The following PTPRR variants were observed in gnomAD, a reference collection of about 807,000 sequenced individuals.
PTPRR encodes receptor-type tyrosine-protein phosphatase R.
A neutral mutation model predicts 77.2 loss-of-function variants in PTPRR; 38 were observed. That is an observed-to-expected ratio of 0.49 (90% confidence interval 0.38 to 0.65). PTPRR has a LOEUF of 0.65. PTPRR is among the 30% of genes least tolerant of loss of function. The probability of loss-of-function intolerance (pLI) is 0.00; values close to 1 mark genes in which losing one functional copy is unlikely to be tolerated. For missense variants in PTPRR, 744 were observed against 799.2 expected (o/e 0.93, Z 0.83); for synonymous variants, 299 against 283.1 (o/e 1.06, Z -0.57).
chr12:70,715,477 T>G (rs896949741), intron 6 of PTPRR, among the ~76,000 whole-genome samples: 3 of 152,094 alleles, frequency 2.0e-5, no homozygotes, highest in African/African-American at 4.8e-5. Flanking sequence ...CAAAATTTAT[T>G]AGGTGGGAAT....
intron 1 of PTPRR, among the ~76,000 whole-genome samples, chr12:70,905,933 A>C (rs1893615082): frequency 1.3e-5 from 2 of 152,026 alleles, no homozygotes; most frequent in Admixed American, 6.6e-5. Flanking sequence ...TAGAAAGGAG[A>C]GATAAATGGA....
chr12:70,763,496 G>A (rs1890740149), intron 3 of PTPRR, among the ~76,000 whole-genome samples: 1 of 152,100 alleles, frequency 6.6e-6, no homozygotes, highest in African/African-American at 2.4e-5. Flanking sequence ...TTAACAGCTT[G>A]TTTACTTCTA....
At chr12:70,838,191 A>G (rs917990174) in intron 2 of PTPRR, among the ~76,000 whole-genome samples, 14 of 152,156 alleles carry the variant, frequency 9.2e-5, no homozygotes, top group South Asian at 4.1e-4. Flanking sequence ...GCCACAAAGC[A>G]TCTTAAGGAT....
At chr12:70,834,235 T>G (rs1380851845) in intron 2 of PTPRR, among the ~76,000 whole-genome samples, 1 of 152,196 alleles carries the variant, frequency 6.6e-6, no homozygotes, top group Non-Finnish European at 1.5e-5. Context: ...AATGTTTTAT[T>G]CATTTTAAGT....
chr12:70,874,240 AAG>A (rs1161226931), intron 2 of PTPRR, among the ~76,000 whole-genome samples: 2 of 152,206 alleles, frequency 1.3e-5, no homozygotes, highest in East Asian at 3.8e-4. Flanking sequence ...TGAACAAAAA[AAG>A]TCCCCTGATT....
At chr12:70,882,272 C>T (rs1592812442) in intron 2 of PTPRR, among the ~76,000 whole-genome samples, 1 of 152,226 alleles carries the variant, frequency 6.6e-6, no homozygotes, top group East Asian at 1.9e-4. Flanking sequence ...TGGAACTATT[C>T]CTTTACTTGT....
At chr12:70,862,717 G>A (rs1218212485) in intron 2 of PTPRR, among the ~76,000 whole-genome samples, 1 of 151,208 alleles carries the variant, frequency 6.6e-6, no homozygotes, top group East Asian at 2.0e-4. Flanking sequence ...TTGTGCACAT[G>A]TACCCTAAAA....
chr12:70,682,285 C>T lies in PTPRR; in HGVS notation c.1497+1842G>A, dbSNP rs181747077. ...GTCTCGATCTCCTGACCTCGTGATC[C>T]GCCCGCCTCGGCCTCCCAAAGTGCT... On this transcript the variant is annotated intron_variant, in intron 10 of 13. Coordinates refer to ENST00000283228, the MANE Select transcript of PTPRR (RefSeq NM_002849.4). Among the ~76,000 whole-genome samples the T allele has an allele frequency of 7.1e-3, 1,074 of 151,778 alleles. 8 individuals are homozygous for T. Among genetic ancestry groups the T allele is most frequent in the Non-Finnish European group, 0.011 (720 of 67,908 alleles).
chr12:70,768,350 A>G (rs1374197892), intron 2 of PTPRR, among the ~76,000 whole-genome samples: 2 of 152,234 alleles, frequency 1.3e-5, no homozygotes, highest in Non-Finnish European at 2.9e-5. Context: ...CCACAGAAAT[A>G]CAAACTACCA....
intron 7 of PTPRR, among the ~76,000 whole-genome samples, chr12:70,699,910 C>T (rs895981885): frequency 1.3e-5 from 2 of 152,112 alleles, no homozygotes; most frequent in South Asian, 4.1e-4. Context: ...CATTCTCTTT[C>T]TCCTGTGTAC....
intron 10 of PTPRR, among the ~76,000 whole-genome samples, chr12:70,681,711 G>A (rs1272669578): frequency 6.6e-6 from 1 of 152,166 alleles, no homozygotes; most frequent in East Asian, 1.9e-4. Flanking sequence ...TTGGTGGGAA[G>A]TATGAGCATT....
intron 2 of PTPRR, among the ~76,000 whole-genome samples, chr12:70,821,170 A>G (rs1892001545): frequency 6.7e-6 from 1 of 148,394 alleles, no homozygotes; most frequent in Non-Finnish European, 1.5e-5. Flanking sequence ...ACATTTGTCA[A>G]TATTGCCCAT....
intron 2 of PTPRR, among the ~76,000 whole-genome samples, chr12:70,766,809 G>T (rs778033391): frequency 1.3e-5 from 2 of 152,082 alleles, no homozygotes; most frequent in African/African-American, 2.4e-5. Flanking sequence ...GACTAACAGC[G>T]GATCTCTCAA....
intron 8 of PTPRR, among the ~76,000 whole-genome samples, chr12:70,689,445 C>A (rs1457529206): frequency 6.6e-6 from 1 of 152,244 alleles, no homozygotes; most frequent in East Asian, 1.9e-4. Context: ...CTATTACACC[C>A]TTTGTAATGT....
At chr12:70,701,713 C>G (rs1288742700) in intron 6 of PTPRR, among the ~76,000 whole-genome samples, 1 of 152,136 alleles carries the variant, frequency 6.6e-6, no homozygotes, top group South Asian at 2.1e-4. Context: ...TAGTTCATGA[C>G]TGCAATCCCA....
chr12:70,823,639 T>G (rs909132386), intron 2 of PTPRR, among the ~76,000 whole-genome samples: 1 of 152,032 alleles, frequency 6.6e-6, no homozygotes, highest in Non-Finnish European at 1.5e-5. Flanking sequence ...GTTCCTGCAG[T>G]GTGGGGCAGC....
At chr12:70,865,810 A>T (rs1460535917) in intron 2 of PTPRR, among the ~76,000 whole-genome samples, 1 of 152,184 alleles carries the variant, frequency 6.6e-6, no homozygotes, top group Non-Finnish European at 1.5e-5. Flanking sequence ...AACATACCAG[A>T]TATAATATGG....
At chr12:70,743,684 A>G (rs1184549441) in intron 6 of PTPRR, among the ~76,000 whole-genome samples, 1 of 152,186 alleles carries the variant, frequency 6.6e-6, no homozygotes, top group African/African-American at 2.4e-5. Flanking sequence ...CAGAGGATCT[A>G]TTTAACACTG....
At chr12:70,891,958 A>G (rs953575897) in intron 2 of PTPRR, among the ~76,000 whole-genome samples, 2 of 152,056 alleles carry the variant, frequency 1.3e-5, no homozygotes, top group African/African-American at 4.8e-5. Context: ...GGATCCTTCT[A>G]TAATGATGTT....
Sources: allele counts gnomAD v4.1 joint callset (sites outside exome capture counted in the v4.1 genomes callset), GRCh38; gene constraint gnomAD v4.1.1; transcripts MANE v1.5; gene names NCBI Gene and HGNC (gene_info 2026-07-23, HGNC 2026-07-21).